Variants in RELN observed in about 807,000 individuals in gnomAD.
RELN encodes reelin.
RELN carries 108 observed loss-of-function variants against 427.6 expected under a neutral mutation model. The observed-to-expected ratio is 0.25, with a 90% CI of 0.22 to 0.30. RELN has a LOEUF of 0.30. Among genes scored for constraint, RELN ranks in the 10% least tolerant of loss-of-function variants. RELN has a pLI of 1.00. For synonymous variants in RELN, 1,524 were observed against 1,513.4 expected (o/e 1.01, Z -0.16); for missense variants, 3,715 against 4,302.8 (o/e 0.86, Z 3.82).
chr7:103,580,489 C>T (rs890328870), intron 28 of RELN, among the ~76,000 whole-genome samples: 2 of 152,196 alleles, frequency 1.3e-5, no homozygotes, highest in African/African-American at 4.8e-5. Flanking sequence ...ATGCTAAGGA[C>T]AATCTGCTCT....
At chr7:103,536,358 C>T (rs1830051934) in intron 45 of RELN, among the ~76,000 whole-genome samples, 1 of 152,140 alleles carries the variant, frequency 6.6e-6, no homozygotes, top group African/African-American at 2.4e-5. Context: ...TGCCTACGTC[C>T]CTACCTCCCT....
chr7:103,637,331 T>A (rs986438714), intron 17 of RELN, among the ~76,000 whole-genome samples: 6 of 152,190 alleles, frequency 3.9e-5, no homozygotes, highest in Non-Finnish European at 7.3e-5. Flanking sequence ...AGTGGGGGAT[T>A]CTCATGGGAG....
chr7:103,534,497 T>G (rs1379227970), intron 46 of RELN, among the ~76,000 whole-genome samples: 1 of 151,796 alleles, frequency 6.6e-6, no homozygotes, highest in Non-Finnish European at 1.5e-5. Context: ...ATTTTTAATT[T>G]TTTTTTTTGA....
At chr7:103,571,926 T>C (rs779236538) in intron 31 of RELN, among the ~76,000 whole-genome samples, 2 of 152,174 alleles carry the variant, frequency 1.3e-5, no homozygotes, top group Admixed American at 6.5e-5. Context: ...TATAAAGGAA[T>C]AGGGTTCCCT....
intron 3 of RELN, among the ~76,000 whole-genome samples, chr7:103,829,301 C>T (rs943959091): frequency 2.0e-5 from 3 of 151,186 alleles, no homozygotes; most frequent in Non-Finnish European, 4.4e-5. Context: ...TCTTTCCTTC[C>T]CTCTTTCCCT....
chr7:103,948,417 A>T (rs1219845594), intron 1 of RELN, among the ~76,000 whole-genome samples: 2 of 152,144 alleles, frequency 1.3e-5, no homozygotes, highest in Non-Finnish European at 2.9e-5. Flanking sequence ...TCACGCCTGT[A>T]ATCTCAGCAC....
intron 46 of RELN, among the ~76,000 whole-genome samples, chr7:103,525,519 T>C (rs1829803702): frequency 6.6e-6 from 1 of 152,198 alleles, no homozygotes. Context: ...CACTCACCCC[T>C]GTAAGCTGTG....
At chr7:103,966,173 T>C (rs34581444) in intron 1 of RELN, among the ~76,000 whole-genome samples, 45,550 of 152,106 alleles carry the variant, frequency 0.3, 8,425 homozygotes, top group Non-Finnish European at 0.42. Context: ...ATGTGAATTA[T>C]AGATACATTT....
At chr7:103,907,980 AGT>A (rs1044764470) in intron 2 of RELN, among the ~76,000 whole-genome samples, 28 of 151,962 alleles carry the variant, frequency 1.8e-4, no homozygotes, top group Admixed American at 9.2e-4. Flanking sequence ...AACAGGCCCC[AGT>A]GTGTGACGTT....
At position 103,842,438 on chromosome 7, in the gene RELN, T is replaced by C. The variant is rs113493410; in HGVS notation, c.338-8766A>G. Among the ~76,000 whole-genome samples, 272 of 152,318 alleles carry C rather than the reference T, an allele frequency of 1.8e-3. 1 individual carries two copies. Among genetic ancestry groups the C allele is most frequent in the African/African-American group, 6.4e-3 (264 of 41,572 alleles). On this transcript the variant is annotated intron_variant, in intron 2 of 64. Coordinates refer to ENST00000428762, the MANE Select transcript of RELN (RefSeq NM_005045.4). Reference sequence around the variant, plus strand: ...CTTGTCTATTATTTTCTTTCTTTCCTAGGTCAATGTACTCAGACATTTCAA... The same window carrying C: ...CTTGTCTATTATTTTCTTTCTTTCCCAGGTCAATGTACTCAGACATTTCAA...
intron 10 of RELN, among the ~76,000 whole-genome samples, chr7:103,697,529 T>C (rs1315828373): frequency 6.6e-6 from 1 of 152,146 alleles, no homozygotes; most frequent in East Asian, 1.9e-4. Context: ...TATGCTGACA[T>C]ATTTAACTCC....
chr7:103,682,348 A>G (rs1833672893), intron 10 of RELN, 87 bp from the exon 11 acceptor site: 2 of 1,411,648 alleles, frequency 1.4e-6, no homozygotes, highest in Admixed American at 3.4e-5. Context: ...GAGTTTTTAG[A>G]AAAGTTATTA....
At chr7:103,681,993 CGATA>C in intron 11 of RELN, 119 bp downstream of exon 11, 1 of 976,244 alleles carries the variant, frequency 1.0e-6, no homozygotes, top group South Asian at 1.3e-5. Context: ...GGCTTGTCTA[CGATA>C]AGAATCATCA....
chr7:103,527,505 T>C (rs1377195236), intron 46 of RELN, among the ~76,000 whole-genome samples: 1 of 152,204 alleles, frequency 6.6e-6, no homozygotes, highest in Non-Finnish European at 1.5e-5. Context: ...CCACAAAATC[T>C]TCCTACCCTT....
intron 6 of RELN, among the ~76,000 whole-genome samples, chr7:103,737,094 T>C (rs1050695228): frequency 1.1e-4 from 17 of 149,294 alleles, no homozygotes; most frequent in African/African-American, 3.8e-4. Context: ...TAGTGAACCA[T>C]TAAACTCCAA....
At chr7:103,479,568 T>G (rs1160306796) in intron 63 of RELN, among the ~76,000 whole-genome samples, 1 of 151,944 alleles carries the variant, frequency 6.6e-6, no homozygotes, top group Non-Finnish European at 1.5e-5. Flanking sequence ...GTGGGAAGAT[T>G]ACACTCTCAA....
At chr7:103,533,902 T>A in intron 46 of RELN, among the ~76,000 whole-genome samples, 1 of 118,178 alleles carries the variant, frequency 8.5e-6, no homozygotes, top group Non-Finnish European at 1.6e-5. Context: ...TTAATGGAGT[T>A]TTTTTTTCTA....
rs527773785 is a variant in RELN, at chr7:103,847,586, C to A, written c.338-13914G>T. On this transcript the variant is annotated intron_variant, in intron 2 of 64. Transcript: ENST00000428762. ...ATAATAACAAAAAATGATATAATAT[C>A]ATGTAACTGACAGATAGGTCAAACT... 1.6e-4 allele frequency among the ~76,000 whole-genome samples: 25 copies of A among 152,148 alleles called. 1 individual carries two copies. In the South Asian group the frequency reaches 5.2e-3, roughly 32 times the overall value.
At position 103,898,631 on chromosome 7, in the gene RELN, T is replaced by C. The variant is rs995910014; in HGVS notation, c.337+18444A>G. ...TAATTTTAAACATCTTTGCCAAAGT[T>C]AAATAAGGGTGTCTCATACTGTTGT... On this transcript the variant is annotated intron_variant, in intron 2 of 64. Coordinates refer to ENST00000428762, the MANE Select transcript of RELN (RefSeq NM_005045.4). 4.6e-5 allele frequency among the ~76,000 whole-genome samples: 7 copies of C among 151,456 alleles called. No homozygotes were observed. In the East Asian group the frequency reaches 1.3e-3, roughly 29 times the overall value.
Sources: gnomAD v4.1 joint callset for allele counts (sites outside exome capture counted in the v4.1 genomes callset) on GRCh38, gnomAD v4.1.1 for gene constraint, MANE v1.5 for transcripts, NCBI Gene and HGNC (gene_info 2026-07-23, HGNC 2026-07-21) for gene names.